The following URAD variants were observed in gnomAD, a reference collection of about 807,000 sequenced individuals.
The protein encoded by URAD is putative 2-oxo-4-hydroxy-4-carboxy-5-ureidoimidazoline decarboxylase.
In URAD, 4 loss-of-function variants were observed where a neutral mutation model predicts 4.6. The ratio of observed to expected loss-of-function variants is 0.87; its 90% CI spans 0.43 to 1.98. The LOEUF (loss-of-function observed/expected upper bound fraction) is 1.98. URAD is among the 30% of genes most tolerant of loss of function. The pLI, the probability that URAD is intolerant of heterozygous loss-of-function variation, is 0.03. For synonymous variants in URAD, 144 were observed against 118.2 expected (o/e 1.22, Z -1.41); for missense variants, 300 against 255.3 (o/e 1.18, Z -1.19).
Position 27,988,605 on chromosome 13 carries a change from A to G in URAD, c.33T>C (p.Leu11=). MDIEKVNSMD[L]GEFVDVFGNA... ...TCCCAAACACATCCACGAATTCTCC[A>G]AGGTCCATGGAGTTGACCTTCTCAA... The change falls in exon 1 of 2, where the codon CTT becomes CTC. Residue 11 remains leucine, a synonymous_variant. Coordinates refer to ENST00000332715, the MANE Select transcript of URAD (RefSeq NM_001105577.2). The G allele has an allele frequency of 6.2e-7, 1 of 1,613,400 alleles. No individual in the cohort carries two copies. Among genetic ancestry groups the G allele is most frequent in the Non-Finnish European group, 8.5e-7 (1 of 1,179,610 alleles).
intron 1 of URAD, among the ~76,000 whole-genome samples, chr13:27,988,182 C>G (rs560987100): frequency 1.4e-4 from 21 of 152,300 alleles, no homozygotes; most frequent in Admixed American, 9.8e-4. Flanking sequence ...TGGTCTCGAT[C>G]TCCTGACCTT....
At chr13:27,982,972 C>T (rs1869917904) in intron 1 of URAD, among the ~76,000 whole-genome samples, 1 of 152,210 alleles carries the variant, frequency 6.6e-6, no homozygotes, top group African/African-American at 2.4e-5. Context: ...TCAACTCTTA[C>T]TCTTACTACT....
chr13:27,988,374 G>C, intron 1 of URAD, 89 bp downstream of exon 1: 19 of 1,342,128 alleles, frequency 1.4e-5, no homozygotes, highest in Non-Finnish European at 1.8e-5. Context: ...TTACAGGTGT[G>C]AGCCACCATT....
intron 1 of URAD, among the ~76,000 whole-genome samples, chr13:27,983,111 G>T (rs1024366154): frequency 2.6e-5 from 4 of 152,106 alleles, no homozygotes; most frequent in Non-Finnish European, 5.9e-5. Context: ...AGCTTTACAT[G>T]ATCAGGCCCT....
In URAD at chr13:27,978,216, G is replaced by T. The variant is rs537446333; in HGVS notation, c.412C>A (p.Arg138=). The T allele has an allele frequency of 2.0e-6, 3 of 1,477,500 alleles. No homozygotes were observed. The allele number at this position is 1,477,500 out of a possible 1,614,324, so 91.5% of individuals were successfully genotyped here. A position where few individuals can be genotyped will look rare whatever the true frequency, so the allele number is the denominator to read the frequency against. The change falls in exon 2 of 2, where the codon CGG becomes AGG. Residue 138 remains arginine, a synonymous_variant. Coordinates refer to ENST00000332715, the MANE Select transcript of URAD (RefSeq NM_001105577.2). ...RTAVPRELAR[R]LLCPSAQELR... is the part of the protein sequence containing the mutation. ...TCCTGCGCGGACGGGCAGAGCAGCC[G>T]GCGCGCCAGCTCGCGCGGCACCGCC...
In URAD at chr13:27,977,994, T is replaced by C; in HGVS notation, c.*112A>G. 1 of 840,360 alleles carries C rather than the reference T, an allele frequency of 1.2e-6. No homozygotes were observed. Among genetic ancestry groups the C allele is most frequent in the South Asian group, 2.2e-5 (1 of 45,038 alleles). The allele number at this position is 840,360 out of a possible 1,614,324, so 52.1% of individuals were successfully genotyped here. On this transcript the variant is annotated 3_prime_UTR_variant, in exon 2 of 2. Transcript: ENST00000332715. ...CAATTCTCCACTTCCTTTGTGCACG[T>C]GTGTGGACGCTGTTCCAGGCCCGAG...
At chr13:27,986,210 G>A (rs542962615) in intron 1 of URAD, among the ~76,000 whole-genome samples, 23 of 152,310 alleles carry the variant, frequency 1.5e-4, no homozygotes, top group African/African-American at 5.5e-4. Context: ...TGTGGGGAAG[G>A]GGGTAATGCC....
intron 1 of URAD, among the ~76,000 whole-genome samples, chr13:27,987,915 TAGA>T (rs1870080438): frequency 3.1e-5 from 4 of 130,990 alleles, no homozygotes; most frequent in African/African-American, 8.5e-5. Context: ...GATAGATAGA[TAGA>T]TAGATAGATA....
At position 27,978,429 on chromosome 13, in the gene URAD, G is replaced by A; in HGVS notation, c.199C>T (p.His67Tyr). Residue 67 changes from histidine to tyrosine, a missense_variant, in exon 2 of 2, where the codon CAC (histidine) becomes TAC (tyrosine). His to Tyr is a moderately conservative substitution (Grantham distance 83). Transcript: ENST00000332715. ...QSGQEGILRC[H>Y]PDLAGSELQR... Reference sequence around the variant, plus strand: ...AGCTCGCTGCCCGCCAGGTCCGGGTGGCAGCGCAGGATGCCCTCCTGGCCT... The same window carrying A: ...AGCTCGCTGCCCGCCAGGTCCGGGTAGCAGCGCAGGATGCCCTCCTGGCCT... 1 of 1,368,374 alleles carries A rather than the reference G, an allele frequency of 7.3e-7. No individual in the cohort carries two copies. Among genetic ancestry groups the A allele is most frequent in the Non-Finnish European group, 9.4e-7 (1 of 1,068,886 alleles). 84.8% of individuals were successfully genotyped at this position (1,368,374 alleles called of 1,614,324 possible). A position where few individuals can be genotyped will look rare whatever the true frequency, so the allele number is the denominator to read the frequency against.
chr13:27,984,657 T>G (rs1443290113), intron 1 of URAD, among the ~76,000 whole-genome samples: 1 of 152,208 alleles, frequency 6.6e-6, no homozygotes, highest in African/African-American at 2.4e-5. Flanking sequence ...CTTCTTACTA[T>G]TCAAAGGGTA....
chr13:27,982,918 C>T (rs569993602), intron 1 of URAD, among the ~76,000 whole-genome samples: 34 of 152,210 alleles, frequency 2.2e-4, no homozygotes, highest in African/African-American at 4.3e-4. Flanking sequence ...AGAATCCATT[C>T]GCATCTCTCC....
In URAD at chr13:27,977,993, G is replaced by T. The variant is rs1055460792; in HGVS notation, c.*113C>A. On this transcript the variant is annotated 3_prime_UTR_variant, in exon 2 of 2. Transcript: ENST00000332715. ...TCAATTCTCCACTTCCTTTGTGCAC[G>T]TGTGTGGACGCTGTTCCAGGCCCGA... 4.8e-6 allele frequency: 4 copies of T among 838,676 alleles called. No homozygotes were observed. The highest frequency in any genetic ancestry group is 3.6e-5 in the African/African-American group (2 of 55,162). 52.0% of individuals were successfully genotyped at this position (838,676 alleles called of 1,614,324 possible).
In URAD at chr13:27,988,678, C is replaced by G. The variant is rs375509965; in HGVS notation, c.-41G>C. 2.1e-5 allele frequency: 32 copies of G among 1,533,150 alleles called. No homozygotes were observed. The South Asian group carries it at 2.4e-4, about 12-fold the overall frequency. 95.0% of individuals were successfully genotyped at this position (1,533,150 alleles called of 1,614,324 possible). A position where few individuals can be genotyped will look rare whatever the true frequency, so the allele number is the denominator to read the frequency against. On this transcript the variant is annotated 5_prime_UTR_variant, in exon 1 of 2. Transcript: ENST00000332715. ...GGAGACAGCGGGACGTCCAGCTCCC[C>G]TCTCGGTGAGTGAGTGACGCTGTCT...
intron 1 of URAD, among the ~76,000 whole-genome samples, chr13:27,987,411 CT>C (rs1220086370): frequency 6.6e-6 from 1 of 152,190 alleles, no homozygotes; most frequent in Non-Finnish European, 1.5e-5. Context: ...ACTTCTTTCC[CT>C]TCCTCCAGAG....
rs1653130412 is a variant in URAD, at chr13:27,977,864, G to C, written c.*242C>G. ...AAAGGGAGTGAAGAATTGAAGCAGTGAGCTGGATAAATCCGGGGCAAAGCA... is the reference window on the plus strand; with the variant it reads ...AAAGGGAGTGAAGAATTGAAGCAGTCAGCTGGATAAATCCGGGGCAAAGCA... On this transcript the variant is annotated 3_prime_UTR_variant, in exon 2 of 2. Transcript: ENST00000332715. The C allele has an allele frequency of 1.1e-5, 5 of 454,818 alleles. No individual in the cohort carries two copies. Among genetic ancestry groups the C allele is most frequent in the Middle Eastern group, 5.5e-4 (1 of 1,802 alleles). 28.2% of individuals were successfully genotyped at this position (454,818 alleles called of 1,614,324 possible).
intron 1 of URAD, among the ~76,000 whole-genome samples, chr13:27,985,880 T>G (rs547634524): frequency 3.9e-5 from 6 of 152,200 alleles, no homozygotes; most frequent in Non-Finnish European, 5.9e-5. Context: ...AGTTAGCAAG[T>G]GCAAAGTTTT....
chr13:27,978,557 C>T (rs2055054836), intron 1 of URAD, 105 bp from the exon 2 acceptor site: 1 of 867,890 alleles, frequency 1.2e-6, no homozygotes, highest in African/African-American at 1.8e-5. Context: ...TGCCCCGCCC[C>T]GCCCCGCCCG....
chr13:27,988,537 G>A lies in URAD; in HGVS notation c.101C>T (p.Ser34Phe). The part of the protein sequence containing the change: ...RCPLIAAAVW[S>F]QRPFSDLEDL... ...TTCCAAATCAGAGAATGGCCGCTGG[G>A]ACCAAACAGCAGCTGCAATCAGAGG... Residue 34 changes from serine (S) to phenylalanine (F), a missense_variant, in exon 1 of 2, where the codon TCC becomes TTC. Ser to Phe is a radical substitution (Grantham distance 155). Coordinates refer to ENST00000332715, the MANE Select transcript of URAD (RefSeq NM_001105577.2). The A allele has an allele frequency of 6.2e-7, 1 of 1,613,894 alleles. No individual in the cohort carries two copies.
At chr13:27,978,656 AC>A (rs1869793013) in intron 1 of URAD, among the ~76,000 whole-genome samples, 2 of 152,130 alleles carry the variant, frequency 1.3e-5, no homozygotes, top group Non-Finnish European at 2.9e-5. Context: ...CGCCCCTCTA[AC>A]AAGTCCTGGA....
Sources: gnomAD v4.1 joint callset for allele counts (sites outside exome capture counted in the v4.1 genomes callset) on GRCh38, gnomAD v4.1.1 for gene constraint, MANE v1.5 for transcripts, NCBI Gene and HGNC (gene_info 2026-07-23, HGNC 2026-07-21) for gene names.